SLC9A8: variants seen among roughly 807,000 people sequenced by gnomAD.
SLC9A8 encodes solute carrier family 9 member A8.
In SLC9A8, 48 loss-of-function variants were observed where a neutral mutation model predicts 66.6. That is an observed-to-expected ratio of 0.72 (90% confidence interval 0.57 to 0.92). SLC9A8 has a LOEUF of 0.92. Ranked by LOEUF, SLC9A8 falls within the 40% of genes least tolerant of loss-of-function variation. The probability of loss-of-function intolerance (pLI) is 0.00; values close to 1 mark genes in which losing one functional copy is unlikely to be tolerated. For synonymous variants in SLC9A8, 274 were observed against 282.6 expected (o/e 0.97, Z 0.31); for missense variants, 599 against 747.3 (o/e 0.80, Z 2.31).
At chr20:49,831,366 G>A (rs960101683) in intron 3 of SLC9A8, among the ~76,000 whole-genome samples, 2 of 151,680 alleles carry the variant, frequency 1.3e-5, no homozygotes, top group Non-Finnish European at 1.5e-5. Context: ...GCACACACAC[G>A]AGGAGGTGGC....
intron 5 of SLC9A8, among the ~76,000 whole-genome samples, chr20:49,847,723 C>G (rs183511298): frequency 1.8e-3 from 273 of 152,212 alleles, no homozygotes; most frequent in African/African-American, 6.5e-3. Flanking sequence ...AAATATTACA[C>G]AAATCACAGG....
intron 3 of SLC9A8, among the ~76,000 whole-genome samples, chr20:49,825,510 C>T (rs1345123056): frequency 6.6e-6 from 1 of 152,100 alleles, no homozygotes; most frequent in Non-Finnish European, 1.5e-5. Flanking sequence ...GGCATGGTGG[C>T]AGGTGCTTGT....
chr20:49,856,737 A>G (rs1308267431), intron 8 of SLC9A8, among the ~76,000 whole-genome samples: 1 of 150,954 alleles, frequency 6.6e-6, no homozygotes, highest in Non-Finnish European at 1.5e-5. Context: ...CAGGAGAATC[A>G]CTTGAACCTG....
At chr20:49,830,681 G>A in intron 3 of SLC9A8, 1 of 662,866 alleles carries the variant, frequency 1.5e-6, no homozygotes, top group Non-Finnish European at 2.7e-6. Flanking sequence ...GCTGCTTCCA[G>A]GCGATAGGGA....
chr20:49,883,589 C>T (rs942571383), intron 13 of SLC9A8, among the ~76,000 whole-genome samples: 1 of 152,186 alleles, frequency 6.6e-6, no homozygotes, highest in Non-Finnish European at 1.5e-5. Context: ...CTCCCGCACC[C>T]GCATCTGGGG....
chr20:49,839,538 T>C lies in SLC9A8; in HGVS notation c.290-3T>C. ...ATGTTAAAGTTTACATTTTCTCTTGTAGGTATTCTCATGGGAGCAGTTATA... is the reference window on the plus strand; with the variant it reads ...ATGTTAAAGTTTACATTTTCTCTTGCAGGTATTCTCATGGGAGCAGTTATA... On this transcript the variant is annotated splice_polypyrimidine_tract_variant and splice_region_variant and intron_variant, in intron 3 of 15. Transcript: ENST00000361573. 1 of 1,524,524 alleles carries C rather than the reference T, an allele frequency of 6.6e-7. No homozygotes were observed. The highest frequency in any genetic ancestry group is 9.1e-7 in the Non-Finnish European group (1 of 1,103,890). 94.4% of individuals were successfully genotyped at this position (1,524,524 alleles called of 1,614,324 possible).
intron 3 of SLC9A8, among the ~76,000 whole-genome samples, chr20:49,831,524 T>A (rs1223572825): frequency 6.6e-6 from 1 of 152,006 alleles, no homozygotes; most frequent in African/African-American, 2.4e-5. Context: ...CTCAAACCCC[T>A]TCCAGTCAAG....
At chr20:49,819,411 A>G (rs2086660524) in intron 2 of SLC9A8, among the ~76,000 whole-genome samples, 1 of 152,218 alleles carries the variant, frequency 6.6e-6, no homozygotes, top group Non-Finnish European at 1.5e-5. Flanking sequence ...AGAAACACAA[A>G]TAATACATGT....
At chr20:49,882,582 C>T (rs2089670144) in intron 13 of SLC9A8, among the ~76,000 whole-genome samples, 2 of 152,336 alleles carry the variant, frequency 1.3e-5, no homozygotes, top group African/African-American at 2.4e-5. Context: ...CACCTAGTCC[C>T]AAAGCTGTTC....
intron 8 of SLC9A8, among the ~76,000 whole-genome samples, chr20:49,859,672 T>A (rs778089272): frequency 1.3e-5 from 2 of 152,196 alleles, no homozygotes; most frequent in Non-Finnish European, 2.9e-5. Flanking sequence ...TGTTGTTACC[T>A]TCATGAATGC....
intron 2 of SLC9A8, among the ~76,000 whole-genome samples, chr20:49,817,978 A>G (rs923654742): frequency 6.6e-6 from 1 of 152,102 alleles, no homozygotes; most frequent in Non-Finnish European, 1.5e-5. Context: ...TTATTAATCT[A>G]TTTACACTGC....
At chr20:49,875,250 C>G (rs1330997177) in intron 11 of SLC9A8, among the ~76,000 whole-genome samples, 2 of 141,294 alleles carry the variant, frequency 1.4e-5, no homozygotes, top group Admixed American at 7.3e-5. Context: ...CCCAGGAGTT[C>G]AAGGCTGCAG....
At chr20:49,820,286 C>T (rs113947301) in intron 2 of SLC9A8, among the ~76,000 whole-genome samples, 12,998 of 151,386 alleles carry the variant, frequency 0.086, 662 homozygotes, top group Middle Eastern at 0.13. Context: ...GCCAGGAGTT[C>T]GAGACCAGCC....
Position 49,850,792 on chromosome 20 carries a change from G to T in SLC9A8, c.535-18G>T. 3 of 1,610,730 alleles carry T rather than the reference G, an allele frequency of 1.9e-6. No homozygotes were observed. The highest frequency in any genetic ancestry group is 1.7e-6 in the Non-Finnish European group (2 of 1,178,902). On this transcript the variant is annotated intron_variant, in intron 6 of 15. Coordinates refer to ENST00000361573, the MANE Select transcript of SLC9A8 (RefSeq NM_015266.3). ...TTTTTTTGTGTGTGTCTGTGTGTTT[G>T]TGTGTTTTATTTTACAGGCTGATGT...
intron 10 of SLC9A8, 39 bp from the exon 11 acceptor site, chr20:49,874,665 CA>C: frequency 8.0e-7 from 1 of 1,253,102 alleles, no homozygotes; most frequent in Non-Finnish European, 1.2e-6. Flanking sequence ...AGTTGGGGAT[CA>C]CACGGCAGTG....
intron 3 of SLC9A8, among the ~76,000 whole-genome samples, chr20:49,836,402 C>T (rs546443661): frequency 2.0e-5 from 3 of 152,170 alleles, no homozygotes; most frequent in Non-Finnish European, 2.9e-5. Flanking sequence ...GGCGCAATCT[C>T]GGCCTACTGC....
intron 4 of SLC9A8, among the ~76,000 whole-genome samples, chr20:49,842,463 C>G (rs2087807047): frequency 6.6e-6 from 1 of 152,180 alleles, no homozygotes; most frequent in Admixed American, 6.5e-5. Context: ...CAGATGCCTG[C>G]TGAAGCATCA....
intron 8 of SLC9A8, among the ~76,000 whole-genome samples, chr20:49,855,787 A>G (rs2088453218): frequency 6.6e-6 from 1 of 152,082 alleles, no homozygotes. Flanking sequence ...TGGTTAAAAG[A>G]GGAGAGTCCA....
At chr20:49,844,935 G>A in intron 4 of SLC9A8, 101 bp from the exon 5 acceptor site, 2 of 769,396 alleles carry the variant, frequency 2.6e-6, no homozygotes, top group Non-Finnish European at 4.5e-6. Context: ...TTTCCACTAG[G>A]CCAGGCCCTG....
Sources: gnomAD v4.1 joint callset for allele counts (sites outside exome capture counted in the v4.1 genomes callset) on GRCh38, gnomAD v4.1.1 for gene constraint, MANE v1.5 for transcripts, NCBI Gene and HGNC (gene_info 2026-07-23, HGNC 2026-07-21) for gene names.